Variants in CRYBG1 observed in about 807,000 individuals in gnomAD.
CRYBG1 encodes the protein beta/gamma crystallin domain-containing protein 1.
In CRYBG1, 139 loss-of-function variants were observed where a neutral mutation model predicts 189.2. That is an observed-to-expected ratio of 0.73 (90% CI 0.64 to 0.85). The LOEUF is 0.85. Among genes scored for constraint, CRYBG1 ranks in the 40% least tolerant of loss-of-function variants. The pLI, the probability that CRYBG1 is intolerant of heterozygous loss-of-function variation, is 0.00. For missense variants in CRYBG1, 2,611 were observed against 2,675.8 expected (o/e 0.98, Z 0.53); for synonymous variants, 1,023 against 1,017.1 (o/e 1.01, Z -0.11).
chr6:106,363,189 A>G (rs1771913555), intron 1 of CRYBG1, among the ~76,000 whole-genome samples: 1 of 143,874 alleles, frequency 7.0e-6, no homozygotes, highest in African/African-American at 2.6e-5. Context: ...GCTTGCAGTG[A>G]GTCGAGATCG....
Position 106,511,870 on chromosome 6 carries a change from T to C in CRYBG1, c.753T>C (p.Thr251=), listed in dbSNP as rs1170912044. ...EGEPFPDATT[T]AKQLHSSPGN... ...AGCCTTTCCCAGATGCCACCACCAC[T>C]GCCAAGCAGCTGCATTCCTCGCCGG... Residue 251 remains threonine (T), a synonymous_variant, in exon 3 of 22, where the codon ACT becomes ACC. Transcript: ENST00000633556. 3 of 1,517,722 alleles carry C rather than the reference T, an allele frequency of 2.0e-6. No homozygotes were observed. Among genetic ancestry groups the C allele is most frequent in the Non-Finnish European group, 1.8e-6 (2 of 1,135,702 alleles). 94.0% of individuals were successfully genotyped at this position (1,517,722 alleles called of 1,614,324 possible).
At chr6:106,546,530 T>C (rs1774268805) in intron 13 of CRYBG1, among the ~76,000 whole-genome samples, 1 of 152,208 alleles carries the variant, frequency 6.6e-6, no homozygotes, top group African/African-American at 2.4e-5. Flanking sequence ...CTTTTACTCT[T>C]AGTAAATAGA....
intron 2 of CRYBG1, among the ~76,000 whole-genome samples, chr6:106,492,238 G>A (rs144795628): frequency 7.2e-5 from 11 of 152,258 alleles, no homozygotes; most frequent in East Asian, 5.8e-4. Flanking sequence ...AAAATAAGTC[G>A]TATGTTGTCT....
At chr6:106,517,399 TATACAC>T (rs1401317193) in intron 3 of CRYBG1, among the ~76,000 whole-genome samples, 3 of 139,300 alleles carry the variant, frequency 2.2e-5, no homozygotes, top group Admixed American at 7.2e-5. Context: ...CATATATATA[TATACAC>T]ACACACATAT....
chr6:106,526,482 A>G (rs1157362042), intron 6 of CRYBG1, among the ~76,000 whole-genome samples: 1 of 152,148 alleles, frequency 6.6e-6, no homozygotes, highest in East Asian at 1.9e-4. Flanking sequence ...TTACACTGCC[A>G]TATATTGACA....
intron 2 of CRYBG1, among the ~76,000 whole-genome samples, chr6:106,468,453 A>C (rs1772156937): frequency 6.6e-6 from 1 of 152,210 alleles, no homozygotes; most frequent in Non-Finnish European, 1.5e-5. Context: ...TATAAATCTA[A>C]AATCCAGATG....
intron 2 of CRYBG1, among the ~76,000 whole-genome samples, chr6:106,461,447 G>A (rs1772006705): frequency 6.6e-6 from 1 of 152,196 alleles, no homozygotes; most frequent in Non-Finnish European, 1.5e-5. Context: ...ATAATAAAGA[G>A]GAGTCACTGG....
intron 2 of CRYBG1, among the ~76,000 whole-genome samples, chr6:106,505,453 TC>T (rs1773110519): frequency 6.6e-6 from 1 of 152,176 alleles, no homozygotes; most frequent in Non-Finnish European, 1.5e-5. Flanking sequence ...GGTCTTGAAC[TC>T]CTGACCTTAA....
chr6:106,503,094 A>G (rs783388), intron 2 of CRYBG1, among the ~76,000 whole-genome samples: 103,288 of 152,036 alleles, frequency 0.68, 35,725 homozygotes, highest in African/African-American at 0.81. Flanking sequence ...CAGCGGCGGA[A>G]GTGGGCTGCC....
rs759942742 is a variant in CRYBG1 at position 106,521,443 on chromosome 6, C to T, written c.4235C>T (p.Ser1412Leu). ...ATTTCTTTTTCTGGAATGTCATTAT[C>T]AGACACAATGGTAAGTAGCAATGTG... ...PSISFSGMSL[S>L]DTMTLRGSVQ... Residue 1412 changes from serine to leucine, a missense_variant, in exon 4 of 22, where the codon TCA becomes TTA. Physicochemically the swap from Ser to Leu is moderately radical, Grantham distance 145. This residue lies in a region of CRYBG1 where 1,622 missense variants were observed against 1,735.0 expected (regional missense o/e 0.93). Transcript: ENST00000633556. 78 of 1,579,376 alleles carry T rather than the reference C, an allele frequency of 4.9e-5. No homozygotes were observed. The highest frequency in any genetic ancestry group is 6.4e-5 in the Non-Finnish European group (75 of 1,166,052).
At chr6:106,392,983 C>G (rs998018377) in intron 1 of CRYBG1, among the ~76,000 whole-genome samples, 1 of 152,148 alleles carries the variant, frequency 6.6e-6, no homozygotes, top group Non-Finnish European at 1.5e-5. Flanking sequence ...CCATGTTGGC[C>G]AGGCAGGTCT....
intron 13 of CRYBG1, among the ~76,000 whole-genome samples, chr6:106,547,212 A>ACACACC (rs1554191201): frequency 0.13 from 7,577 of 60,208 alleles, 357 homozygotes; most frequent in East Asian, 0.38. Flanking sequence ...ACACACACAC[A>ACACACC]CCACTTCCTT....
chr6:106,566,489 T>TTTTTTTTA (rs1774892430), intron 21 of CRYBG1, among the ~76,000 whole-genome samples: 1 of 142,746 alleles, frequency 7.0e-6, no homozygotes, highest in African/African-American at 2.7e-5. Flanking sequence ...TTTTTTTTTT[T>TTTTTTTTA]GAGACGGAGT....
At position 106,472,077 on chromosome 6, in the gene CRYBG1, AT is replaced by A. The variant is rs1264066789; in HGVS notation, c.312+20246del. Reference sequence around the variant, plus strand: ...TAGCTTCCCTTTTGCAGAGAGAAAAATATCACAGTATCCTATTAAAATTTTT... The same window carrying A: ...TAGCTTCCCTTTTGCAGAGAGAAAAAATCACAGTATCCTATTAAAATTTTT... On this transcript the variant is annotated intron_variant, in intron 2 of 21. Coordinates refer to ENST00000633556, the MANE Select transcript of CRYBG1 (RefSeq NM_001371242.2). Among the ~76,000 whole-genome samples, 4 of 152,360 alleles carry A rather than the reference AT, an allele frequency of 2.6e-5. No individual in the cohort carries two copies. The South Asian group carries it at 8.3e-4, about 32-fold the overall frequency.
In CRYBG1 at chr6:106,512,482, C is replaced by T. The variant is rs1218304565; in HGVS notation, c.1365C>T (p.Asn455=). 5 of 1,611,244 alleles carry T rather than the reference C, an allele frequency of 3.1e-6. No individual in the cohort carries two copies. Among genetic ancestry groups the T allele is most frequent in the Non-Finnish European group, 4.2e-6 (5 of 1,179,242 alleles). ...TGTTCGACGACGAGGTGGCGCCAAA[C>T]GCGGCCAGCGATAACGCCTCGGCGG... ...DAVFDDEVAP[N]AASDNASAEK... is the part of the protein sequence containing the mutation. Residue 455 remains asparagine (N), a synonymous_variant, in exon 3 of 22, where the codon AAC becomes AAT. Coordinates refer to ENST00000633556, the MANE Select transcript of CRYBG1 (RefSeq NM_001371242.2).
chr6:106,451,891 A>C, intron 2 of CRYBG1, 59 bp downstream of exon 2: 1 of 1,433,966 alleles, frequency 7.0e-7, no homozygotes, highest in Non-Finnish European at 9.3e-7. Context: ...GAGCTAAAGC[A>C]CTGTAAGATA....
At chr6:106,427,445 C>T (rs1314734350) in intron 1 of CRYBG1, among the ~76,000 whole-genome samples, 1 of 152,162 alleles carries the variant, frequency 6.6e-6, no homozygotes, top group African/African-American at 2.4e-5. Context: ...AACCTTTCGT[C>T]CTCTTACACC....
intron 2 of CRYBG1, among the ~76,000 whole-genome samples, chr6:106,498,018 T>C (rs981723478): frequency 5.3e-5 from 8 of 151,720 alleles, no homozygotes; most frequent in Admixed American, 5.3e-4. Flanking sequence ...TGAGAATCGC[T>C]TGAACCCAGG....
chr6:106,482,544 G>GAC (rs1772488435), intron 2 of CRYBG1, among the ~76,000 whole-genome samples: 2 of 151,914 alleles, frequency 1.3e-5, no homozygotes, highest in Admixed American at 1.3e-4. Flanking sequence ...GGGAGGCCGA[G>GAC]GGGGGTGAAT....
Sources: gnomAD v4.1 joint callset for allele counts (sites outside exome capture counted in the v4.1 genomes callset) on GRCh38, gnomAD v4.1.1 for gene constraint, gnomAD v4.1.1 regional missense constraint, MANE v1.5 for transcripts, NCBI Gene and HGNC (gene_info 2026-07-23, HGNC 2026-07-21) for gene names.